ZNF398: variants seen among roughly 807,000 people sequenced by gnomAD.
The protein encoded by ZNF398 is zinc finger DNA binding protein ZER6.
In ZNF398, 18 loss-of-function variants were observed where a neutral mutation model predicts 41.9. The observed-to-expected ratio is 0.43, with a 90% CI of 0.30 to 0.64. The LOEUF (loss-of-function observed/expected upper bound fraction) is 0.64. ZNF398 is among the 30% of genes least tolerant of loss of function. The pLI, the probability that ZNF398 is intolerant of heterozygous loss-of-function variation, is 0.14. For synonymous variants in ZNF398, 260 were observed against 308.8 expected (o/e 0.84, Z 1.66); for missense variants, 669 against 822.8 (o/e 0.81, Z 2.29).
intron 4 of ZNF398, among the ~76,000 whole-genome samples, chr7:149,174,222 C>A (rs1054992407): frequency 3.3e-5 from 5 of 152,182 alleles, no homozygotes; most frequent in African/African-American, 4.8e-5. Context: ...ACATTGACTT[C>A]TCTCTAGTTA....
chr7:149,179,093 T>A lies in ZNF398; in HGVS notation c.1221T>A (p.Phe407Leu), dbSNP rs138665791. 1.1e-5 allele frequency: 18 copies of A among 1,613,876 alleles called. No homozygotes were observed. In the Admixed American group the frequency reaches 3.0e-4, roughly 27 times the overall value. Residue 407 changes from phenylalanine (F) to leucine (L), a missense_variant, in exon 6 of 6, where the codon TTT becomes TTA. Coordinates refer to ENST00000475153, the MANE Select transcript of ZNF398 (RefSeq NM_170686.3). This position sits in a 1 kb window ranked among gnomAD's most constrained non-coding sequence, Gnocchi z 6.1. ...PPTCPHCART[F>L]THPSRLTYHL... is the part of the protein sequence containing the mutation. ...CCTGCCCACACTGTGCCAGGACTTT[T>A]ACTCACCCATCAAGACTTACCTACC...
chr7:149,181,381 T>C lies in ZNF398; in HGVS notation c.*1580T>C, dbSNP rs1175204556. The C allele has an allele frequency of 6.6e-6, 1 of 152,218 alleles. No individual in the cohort carries two copies. Among genetic ancestry groups the C allele is most frequent in the African/African-American group, 2.4e-5 (1 of 41,460 alleles). The allele number at this position is 152,218 out of a possible 1,614,324, so 9.4% of individuals were successfully genotyped here. A position where few individuals can be genotyped will look rare whatever the true frequency, so the allele number is the denominator to read the frequency against. ...AGACAGAATGCAGAAGTCTTACATC[T>C]TGGGCAGGAAACTGGTTTATTCCTA... On this transcript the variant is annotated 3_prime_UTR_variant, in exon 6 of 6. Coordinates refer to ENST00000475153, the MANE Select transcript of ZNF398 (RefSeq NM_170686.3).
intron 2 of ZNF398, among the ~76,000 whole-genome samples, chr7:149,165,687 C>G (rs1418844799): frequency 6.6e-6 from 1 of 152,192 alleles, no homozygotes; most frequent in African/African-American, 2.4e-5. Flanking sequence ...ATCCTTTCCT[C>G]CTCATGTGCA....
At chr7:149,132,428 A>G (rs1277469280) in intron 2 of ZNF398, among the ~76,000 whole-genome samples, 1 of 152,040 alleles carries the variant, frequency 6.6e-6, no homozygotes, top group East Asian at 1.9e-4. Flanking sequence ...TCCTGACCTC[A>G]TGTGATCTGC....
intron 1 of ZNF398, among the ~76,000 whole-genome samples, chr7:149,151,691 A>G (rs926176138): frequency 6.6e-6 from 1 of 152,132 alleles, no homozygotes; most frequent in East Asian, 1.9e-4. Flanking sequence ...AAAAAAATAA[A>G]AAAAAAATTA....
At chr7:149,158,342 G>A (rs1795028811) in intron 2 of ZNF398, among the ~76,000 whole-genome samples, 1 of 152,140 alleles carries the variant, frequency 6.6e-6, no homozygotes, top group Non-Finnish European at 1.5e-5. Context: ...ACTGAATGGA[G>A]CAGATTTTGA....
At position 149,181,431 on chromosome 7, in the gene ZNF398, C is replaced by T. The variant is rs1795587228; in HGVS notation, c.*1630C>T. 8 of 152,140 alleles carry T rather than the reference C, an allele frequency of 5.3e-5. No homozygotes were observed. Among genetic ancestry groups the T allele is most frequent in the Admixed American group, 5.2e-4 (8 of 15,268 alleles). The allele number at this position is 152,140 out of a possible 1,614,324, so 9.4% of individuals were successfully genotyped here. ...ATACTCTTGTTTCCTCTGCTTCTTC[C>T]TGAGGTCTAGAACAAGGTCTGGAAA... On this transcript the variant is annotated 3_prime_UTR_variant, in exon 6 of 6. Transcript: ENST00000475153.
chr7:149,173,870 C>T (rs546696576), intron 4 of ZNF398, among the ~76,000 whole-genome samples: 14 of 149,056 alleles, frequency 9.4e-5, no homozygotes, highest in Non-Finnish European at 1.3e-4. Flanking sequence ...CTCGGCTCAC[C>T]GCAACCTCCG....
chr7:149,181,538 T>C lies in ZNF398; in HGVS notation c.*1737T>C, dbSNP rs1212923549. On this transcript the variant is annotated 3_prime_UTR_variant, in exon 6 of 6. Coordinates refer to ENST00000475153, the MANE Select transcript of ZNF398 (RefSeq NM_170686.3). ...TCATCACCTAGCCCATCCTTCACTCTCTCTAGTTATGCATAACAACACTAG... is the reference window on the plus strand; with the variant it reads ...TCATCACCTAGCCCATCCTTCACTCCCTCTAGTTATGCATAACAACACTAG... The C allele has an allele frequency of 1.3e-5, 2 of 152,206 alleles. No individual in the cohort carries two copies. Among genetic ancestry groups the C allele is most frequent in the African/African-American group, 4.8e-5 (2 of 41,444 alleles). 9.4% of individuals were successfully genotyped at this position (152,206 alleles called of 1,614,324 possible).
At chr7:149,129,761 AT>A (rs745619251) in intron 2 of ZNF398, among the ~76,000 whole-genome samples, 4 of 151,316 alleles carry the variant, frequency 2.6e-5, no homozygotes, top group African/African-American at 4.9e-5. Context: ...GGATATTTGT[AT>A]TTTTTCCGTT....
intron 2 of ZNF398, among the ~76,000 whole-genome samples, chr7:149,164,470 G>T (rs917237597): frequency 3.0e-4 from 45 of 151,996 alleles, no homozygotes; most frequent in African/African-American, 9.7e-4. Context: ...TAAAGTCAAA[G>T]AACGAAACTT....
intron 5 of ZNF398, 46 bp from the exon 6 acceptor site, chr7:149,178,602 G>C (rs528697397): frequency 1.3e-6 from 2 of 1,520,034 alleles, no homozygotes; most frequent in Non-Finnish European, 1.8e-6. Context: ...AGAGTTGCTA[G>C]TGAGACAGTT....
At chr7:149,129,904 G>A (rs996033964) in intron 2 of ZNF398, among the ~76,000 whole-genome samples, 7 of 151,994 alleles carry the variant, frequency 4.6e-5, no homozygotes, top group African/African-American at 1.4e-4. Context: ...AGGTTCAAGC[G>A]ATTCTCCTGC....
intron 2 of ZNF398, among the ~76,000 whole-genome samples, chr7:149,157,744 A>G (rs564315071): frequency 1.1e-4 from 17 of 150,718 alleles, no homozygotes; most frequent in Non-Finnish European, 2.2e-4. Flanking sequence ...AGGCTGAGAC[A>G]GGAGAATTGC....
intron 2 of ZNF398, among the ~76,000 whole-genome samples, chr7:149,134,062 G>A (rs79613177): frequency 0.11 from 11,009 of 98,176 alleles, 433 homozygotes; most frequent in Middle Eastern, 0.17. Flanking sequence ...TGCTGTTTTT[G>A]TCTTTTTTTT....
intron 2 of ZNF398, among the ~76,000 whole-genome samples, chr7:149,141,938 G>A (rs1282622809): frequency 6.6e-6 from 1 of 152,110 alleles, no homozygotes; most frequent in Non-Finnish European, 1.5e-5. Context: ...GTTATCATAG[G>A]TTGGCATCCA....
At position 149,176,158 on chromosome 7, in the gene ZNF398, C is replaced by T. The variant is rs186037054; in HGVS notation, c.662-310C>T. Among the ~76,000 whole-genome samples, 272 of 151,982 alleles carry T rather than the reference C, an allele frequency of 1.8e-3. 1 individual carries two copies. The highest frequency in any genetic ancestry group is 0.01 in the Middle Eastern group (3 of 294). On this transcript the variant is annotated intron_variant, in intron 4 of 5. Coordinates refer to ENST00000475153, the MANE Select transcript of ZNF398 (RefSeq NM_170686.3). ...CCATCCTGGCTAACACGGTGAAACC[C>T]CATCTCTACTAAAAACAAAAAAATT...
intron 2 of ZNF398, among the ~76,000 whole-genome samples, chr7:149,155,098 C>G (rs1240380101): frequency 6.6e-6 from 1 of 151,578 alleles, no homozygotes; most frequent in East Asian, 1.9e-4. Flanking sequence ...ACCAGCCTGG[C>G]CAACATGGTG....
At chr7:149,138,331 G>A (rs1180877158) in intron 2 of ZNF398, among the ~76,000 whole-genome samples, 2 of 152,150 alleles carry the variant, frequency 1.3e-5, no homozygotes, top group Non-Finnish European at 2.9e-5. Context: ...TGTAATTCCA[G>A]CACTTTGGGA....
Sources: allele counts gnomAD v4.1 joint callset (sites outside exome capture counted in the v4.1 genomes callset), GRCh38; gene constraint gnomAD v4.1.1; non-coding constraint Gnocchi (gnomAD v3.1); transcripts MANE v1.5; gene names NCBI Gene and HGNC (gene_info 2026-07-23, HGNC 2026-07-21).